Variants in SLIT1 observed in about 807,000 individuals in gnomAD.
SLIT1 encodes slit homolog 1 protein.
Under a neutral mutation model 186.1 loss-of-function variants are expected in SLIT1, and 66 were observed. The observed-to-expected ratio is 0.35, with a 90% CI of 0.29 to 0.44. The LOEUF is 0.44. Among genes scored for constraint, SLIT1 ranks in the 20% least tolerant of loss-of-function variants. The pLI, the probability that SLIT1 is intolerant of heterozygous loss-of-function variation, is 1.00. For synonymous variants in SLIT1, 761 were observed against 833.8 expected (o/e 0.91, Z 1.50); for missense variants, 1,638 against 2,037.4 (o/e 0.80, Z 3.77).
intron 28 of SLIT1, 90 bp from the exon 29 acceptor site, chr10:97,014,248 G>T: frequency 6.7e-7 from 1 of 1,482,666 alleles, no homozygotes; most frequent in Non-Finnish European, 9.2e-7. Context: ...ATTCCACGGA[G>T]TTAGGGTCCC....
intron 4 of SLIT1, among the ~76,000 whole-genome samples, chr10:97,092,257 C>T (rs1190246310): frequency 6.6e-6 from 1 of 152,224 alleles, no homozygotes; most frequent in Non-Finnish European, 1.5e-5. Flanking sequence ...CATGGTGCAT[C>T]CGATTCCCAA....
Position 97,018,585 on chromosome 10 carries a change from C to T in SLIT1, c.2969+1G>A, listed in dbSNP as rs1330196892. On this transcript the variant is annotated splice_donor_variant, in intron 28 of 36. Coordinates refer to ENST00000266058, the MANE Select transcript of SLIT1 (RefSeq NM_003061.3). LOFTEE classifies it high-confidence loss of function. ...GGCTCCTGCCCCTCCAGGTAACTCA[C>T]GTGAACGGGGCATCCTCGCCCTCCT... is the stretch of plus-strand genomic sequence containing the variant. 6 of 1,568,482 alleles carry T rather than the reference C, an allele frequency of 3.8e-6. No individual in the cohort carries two copies. The highest frequency in any genetic ancestry group is 2.3e-5 in the East Asian group (1 of 42,686).
chr10:97,134,998 G>A (rs1317147520), intron 4 of SLIT1, among the ~76,000 whole-genome samples: 1 of 152,224 alleles, frequency 6.6e-6, no homozygotes, highest in African/African-American at 2.4e-5. Flanking sequence ...AGAGACCACA[G>A]CCTTTTTTCT....
rs2134641766 is a variant in SLIT1, at chr10:97,066,093, G to C, written c.414-7C>G. The C allele has an allele frequency of 6.3e-7, 1 of 1,596,918 alleles. No homozygotes were observed. Among genetic ancestry groups the C allele is most frequent in the South Asian group, 1.1e-5 (1 of 88,274 alleles). ...GGCGTTCTCACTCAAGTCCCTGGGAGGATAAAGCCAGAGGGAGAGAAAACA... is the reference window on the plus strand; with the variant it reads ...GGCGTTCTCACTCAAGTCCCTGGGACGATAAAGCCAGAGGGAGAGAAAACA... On this transcript the variant is annotated splice_polypyrimidine_tract_variant and splice_region_variant and intron_variant, in intron 4 of 36. Coordinates refer to ENST00000266058, the MANE Select transcript of SLIT1 (RefSeq NM_003061.3).
chr10:97,002,693 C>T lies in SLIT1; in HGVS notation c.4154+11G>A, dbSNP rs1848322130. 1 of 1,554,830 alleles carries T rather than the reference C, an allele frequency of 6.4e-7. No individual in the cohort carries two copies. The highest frequency in any genetic ancestry group is 2.3e-5 in the East Asian group (1 of 44,196). ...GCAGGGGCAAGGGCTCCCCCAGTGC[C>T]CCAGGCTCACTTGTGGCCATGGCAG... On this transcript the variant is annotated intron_variant, in intron 35 of 36. Coordinates refer to ENST00000266058, the MANE Select transcript of SLIT1 (RefSeq NM_003061.3).
intron 4 of SLIT1, among the ~76,000 whole-genome samples, chr10:97,087,371 C>G (rs1849173642): frequency 1.3e-5 from 2 of 152,238 alleles, no homozygotes; most frequent in Non-Finnish European, 2.9e-5. Flanking sequence ...TCCCTGTTCC[C>G]CCAAACAAAC....
chr10:97,057,628 T>A (rs893991710), intron 11 of SLIT1: 1 of 357,992 alleles, frequency 2.8e-6, no homozygotes, highest in Non-Finnish European at 5.1e-6. Flanking sequence ...AAAAGGAGAT[T>A]GTTGAGAGAA....
At chr10:97,146,244 A>G (rs1427690905) in intron 4 of SLIT1, among the ~76,000 whole-genome samples, 1 of 152,208 alleles carries the variant, frequency 6.6e-6, no homozygotes, top group East Asian at 1.9e-4. Flanking sequence ...GCTCCTCAAG[A>G]TCCACTGATG....
chr10:97,158,460 G>C (rs1046677132), intron 3 of SLIT1, among the ~76,000 whole-genome samples: 2 of 151,974 alleles, frequency 1.3e-5, no homozygotes, highest in African/African-American at 4.8e-5. Flanking sequence ...TCAGGAGTTC[G>C]AGGCCAGCCT....
chr10:97,089,773 C>T (rs1047102214), intron 4 of SLIT1, among the ~76,000 whole-genome samples: 36 of 152,102 alleles, frequency 2.4e-4, no homozygotes, highest in African/African-American at 7.2e-4. Flanking sequence ...GAGGATGGCT[C>T]ATGTTCTGTC....
chr10:97,183,873 G>A (rs1850374371), intron 1 of SLIT1, among the ~76,000 whole-genome samples: 1 of 151,932 alleles, frequency 6.6e-6, no homozygotes, highest in Non-Finnish European at 1.5e-5. Context: ...GCCACTGCGG[G>A]GGTCCTCTGG....
intron 4 of SLIT1, among the ~76,000 whole-genome samples, chr10:97,080,816 T>C (rs192089319): frequency 6.6e-6 from 1 of 152,366 alleles, no homozygotes; most frequent in Admixed American, 6.5e-5. Context: ...GCAAATTGGC[T>C]TTTAGCAAAA....
At chr10:97,066,676 C>A (rs1321293709) in intron 4 of SLIT1, among the ~76,000 whole-genome samples, 4 of 152,182 alleles carry the variant, frequency 2.6e-5, no homozygotes, top group African/African-American at 9.7e-5. Context: ...CTCCCTGAGG[C>A]CTCCCCAGAA....
intron 11 of SLIT1, among the ~76,000 whole-genome samples, chr10:97,058,665 C>T (rs967718162): frequency 2.0e-4 from 31 of 152,202 alleles, no homozygotes; most frequent in African/African-American, 7.2e-4. Context: ...CTGCACTCCC[C>T]GGGGGAGTTC....
chr10:97,178,658 C>A (rs1235166562), intron 1 of SLIT1, among the ~76,000 whole-genome samples: 1 of 152,068 alleles, frequency 6.6e-6, no homozygotes, highest in Admixed American at 6.6e-5. Context: ...ATGTTGATAG[C>A]CTTGTGGTTC....
At position 97,124,550 on chromosome 10, in the gene SLIT1, C is replaced by T. The variant is rs775319072; in HGVS notation, c.413+33268G>A. ...CTAGGAGCAAATGTACACTGGGGTG[C>T]GCACCCGGCTTCCCAGGGGGAGACA... is the stretch of plus-strand genomic sequence containing the variant. On this transcript the variant is annotated intron_variant, in intron 4 of 36. Coordinates refer to ENST00000266058, the MANE Select transcript of SLIT1 (RefSeq NM_003061.3). Among the ~76,000 whole-genome samples, 6 of 152,306 alleles carry T rather than the reference C, an allele frequency of 3.9e-5. No individual in the cohort carries two copies. The South Asian group carries it at 6.2e-4, about 16-fold the overall frequency.
intron 4 of SLIT1, among the ~76,000 whole-genome samples, chr10:97,100,444 T>C (rs2134669992): frequency 6.6e-6 from 1 of 152,034 alleles, no homozygotes; most frequent in Non-Finnish European, 1.5e-5. Context: ...GCCAACATGG[T>C]GAAACGCTGT....
intron 8 of SLIT1, 109 bp downstream of exon 8, chr10:97,063,346 T>C (rs954978271): frequency 8.2e-7 from 1 of 1,212,806 alleles, no homozygotes; most frequent in South Asian, 1.3e-5. Flanking sequence ...ATGGGCGGGG[T>C]CAGGAGGTGA....
In SLIT1 at chr10:97,049,042, C is replaced by A. The variant is rs773757484; in HGVS notation, c.1378G>T (p.Glu460Ter). ...LADFLRTNPI[E>*]TSGARCASPR... ...CTGGCACAGCGGGCACCACTCGTCT[C>A]GATGGGATTGGTGCGCAGGAAGTCT... The change falls in exon 14 of 37, where the codon GAG (glutamate) becomes TAG (stop). Residue 460 changes from glutamate (E) to a stop codon, truncating the protein, a stop_gained. Coordinates refer to ENST00000266058, the MANE Select transcript of SLIT1 (RefSeq NM_003061.3). LOFTEE classifies it high-confidence loss of function. 6.2e-7 allele frequency: 1 copy of A among 1,613,538 alleles called. No homozygotes were observed. The highest frequency in any genetic ancestry group is 1.1e-5 in the South Asian group (1 of 91,074).
Sources: allele counts gnomAD v4.1 joint callset (sites outside exome capture counted in the v4.1 genomes callset), GRCh38; gene constraint gnomAD v4.1.1; transcripts MANE v1.5; gene names NCBI Gene and HGNC (gene_info 2026-07-23, HGNC 2026-07-21).